CCDC149: variants seen among roughly 807,000 people sequenced by gnomAD.
The protein encoded by CCDC149 is coiled-coil domain-containing protein 149.
Under a neutral mutation model 59.9 loss-of-function variants are expected in CCDC149, and 45 were observed. That is an observed-to-expected ratio of 0.75 (90% confidence interval 0.59 to 0.96). The LOEUF is 0.96. Among genes scored for constraint, CCDC149 ranks in the 40% least tolerant of loss-of-function variants. CCDC149 has a pLI of 0.00. For missense variants in CCDC149, 584 were observed against 664.7 expected (o/e 0.88, Z 1.33); for synonymous variants, 245 against 260.6 (o/e 0.94, Z 0.58).
intron 1 of CCDC149, among the ~76,000 whole-genome samples, chr4:24,942,320 C>G (rs1378350489): frequency 6.6e-6 from 1 of 151,856 alleles, no homozygotes; most frequent in Non-Finnish European, 1.5e-5. Context: ...AATAGATGCA[C>G]AAAAGGCCTT....
intron 3 of CCDC149, among the ~76,000 whole-genome samples, chr4:24,870,279 T>C (rs893095058): frequency 1.3e-5 from 2 of 152,240 alleles, no homozygotes; most frequent in African/African-American, 4.8e-5. Context: ...GTATTTTTAC[T>C]TGCTAAATTT....
intron 1 of CCDC149, among the ~76,000 whole-genome samples, chr4:24,887,731 C>G (rs1720271673): frequency 6.6e-6 from 1 of 152,038 alleles, no homozygotes; most frequent in African/African-American, 2.4e-5. Context: ...TCACAGCAGC[C>G]TTCTGGTTTC....
At chr4:24,958,874 T>C (rs961932011) in intron 1 of CCDC149, among the ~76,000 whole-genome samples, 11 of 151,844 alleles carry the variant, frequency 7.2e-5, no homozygotes, top group African/African-American at 2.7e-4. Flanking sequence ...TCTACTAAAA[T>C]TATAGCCAGG....
chr4:24,928,532 A>C (rs1275372540), intron 1 of CCDC149, among the ~76,000 whole-genome samples: 1 of 152,180 alleles, frequency 6.6e-6, no homozygotes, highest in Non-Finnish European at 1.5e-5. Context: ...TCTCATTGTC[A>C]ATATATGAAT....
intron 8 of CCDC149, among the ~76,000 whole-genome samples, chr4:24,834,118 G>A (rs1006447414): frequency 6.6e-6 from 1 of 152,126 alleles, no homozygotes; most frequent in Non-Finnish European, 1.5e-5. Flanking sequence ...TTCTGGTTGA[G>A]TGGAAAAAAG....
At chr4:24,917,125 A>T (rs546791666), upstream of CCDC149, among the ~76,000 whole-genome samples, 1 of 152,196 alleles carries the variant, frequency 6.6e-6, no homozygotes, top group African/African-American at 2.4e-5. Flanking sequence ...CAGCAGCCAG[A>T]TACCAGAGGG....
At chr4:24,892,354 G>A (rs1720579255) in intron 1 of CCDC149, among the ~76,000 whole-genome samples, 1 of 152,208 alleles carries the variant, frequency 6.6e-6, no homozygotes, top group Non-Finnish European at 1.5e-5. Flanking sequence ...ATGAGATAAT[G>A]AAAAGAAGGC....
At chr4:24,964,750 A>C (rs1723745730) in intron 1 of CCDC149, among the ~76,000 whole-genome samples, 1 of 152,248 alleles carries the variant, frequency 6.6e-6, no homozygotes, top group Non-Finnish European at 1.5e-5. Flanking sequence ...CCCAAATACA[A>C]TAAACCCAAA....
At chr4:24,928,853 C>G (rs890736669) in intron 1 of CCDC149, among the ~76,000 whole-genome samples, 9 of 152,116 alleles carry the variant, frequency 5.9e-5, no homozygotes, top group Admixed American at 5.9e-4. Context: ...AGGCAAAGAA[C>G]AAGAGGAATG....
rs549898557 is a variant in CCDC149 at position 24,825,512 on chromosome 4, G to T, written c.966-2939C>A. ...ATACAGGCCGGGCATGGGGGTTCAC[G>T]CCTGTAATCCCAGCACTTTGGGAGG... On this transcript the variant is annotated intron_variant, in intron 9 of 12. Transcript: ENST00000635206. Among the ~76,000 whole-genome samples the T allele has an allele frequency of 2.0e-5, 3 of 152,198 alleles. No individual in the cohort carries two copies. In the South Asian group the frequency reaches 6.2e-4, roughly 32 times the overall value.
intron 1 of CCDC149, among the ~76,000 whole-genome samples, 159 bp downstream of exon 1, chr4:24,912,658 C>T (rs1233790738): frequency 1.3e-5 from 2 of 152,104 alleles, no homozygotes; most frequent in Non-Finnish European, 2.9e-5. Context: ...GCAGGAGGAG[C>T]GGCGCACCTG....
chr4:24,899,712 C>G (rs1480484869), intron 1 of CCDC149, among the ~76,000 whole-genome samples: 1 of 152,126 alleles, frequency 6.6e-6, no homozygotes, highest in Non-Finnish European at 1.5e-5. Context: ...CCTGACAGAT[C>G]GGTTCCCTCC....
intron 9 of CCDC149, among the ~76,000 whole-genome samples, chr4:24,826,243 A>G (rs993045133): frequency 6.6e-6 from 1 of 152,156 alleles, no homozygotes; most frequent in South Asian, 2.1e-4. Context: ...TACAGGTGTG[A>G]GCCACCGTGC....
intron 1 of CCDC149, among the ~76,000 whole-genome samples, chr4:24,911,865 C>A (rs965222120): frequency 2.0e-5 from 3 of 152,132 alleles, no homozygotes; most frequent in Non-Finnish European, 2.9e-5. Context: ...AAGAGCAAAC[C>A]GATACACTCT....
chr4:24,953,428 A>T (rs928034435), intron 1 of CCDC149, among the ~76,000 whole-genome samples: 10 of 152,170 alleles, frequency 6.6e-5, no homozygotes, highest in African/African-American at 2.4e-4. Context: ...TTAAAGACTA[A>T]GGCATTCAAA....
At chr4:24,918,080 G>A (rs1035464121) in intron 1 of CCDC149, among the ~76,000 whole-genome samples, 8 of 152,064 alleles carry the variant, frequency 5.3e-5, no homozygotes, top group African/African-American at 1.9e-4. Flanking sequence ...TCTAAAATAG[G>A]ATCACCTACA....
At chr4:24,962,747 G>A (rs544151840) in intron 1 of CCDC149, among the ~76,000 whole-genome samples, 30 of 152,090 alleles carry the variant, frequency 2.0e-4, no homozygotes, top group African/African-American at 6.3e-4. Flanking sequence ...GTGGGAGGAG[G>A]GGGGAGGGAT....
chr4:24,803,806 T>A (rs1713993245), downstream of CCDC149, among the ~76,000 whole-genome samples: 1 of 152,176 alleles, frequency 6.6e-6, no homozygotes, highest in Admixed American at 6.5e-5. This position sits in a 1 kb window ranked among gnomAD's most constrained non-coding sequence, Gnocchi z 4.3. Context: ...ATCCAAAAAA[T>A]TCTCATTTAG....
In CCDC149 at chr4:24,860,316, C is replaced by T. The variant is rs77696509; in HGVS notation, c.265-7137G>A. On this transcript the variant is annotated intron_variant, in intron 3 of 12. Transcript: ENST00000635206. ...ATACTTACAGCTAACTGATCTTCAACAAAGAAAACAAAAACATAAGGTACG... is the reference window on the plus strand; with the variant it reads ...ATACTTACAGCTAACTGATCTTCAATAAAGAAAACAAAAACATAAGGTACG... Among the ~76,000 whole-genome samples, 2,438 of 152,148 alleles carry T rather than the reference C, an allele frequency of 0.016. 129 individuals carry two copies. In the East Asian group the frequency reaches 0.2, roughly 12 times the overall value.
Sources: allele counts gnomAD v4.1 joint callset (sites outside exome capture counted in the v4.1 genomes callset), GRCh38; gene constraint gnomAD v4.1.1; non-coding constraint Gnocchi (gnomAD v3.1); transcripts MANE v1.5; gene names NCBI Gene and HGNC (gene_info 2026-07-23, HGNC 2026-07-21).